Variants in SSH2 observed in about 807,000 individuals in gnomAD.
SSH2 encodes slingshot protein phosphatase 2.
A neutral mutation model predicts 135.2 loss-of-function variants in SSH2; 37 were observed. That is an observed-to-expected ratio of 0.27 (90% confidence interval 0.21 to 0.36). The LOEUF (loss-of-function observed/expected upper bound fraction) is 0.36, where lower values mean the gene tolerates loss of function less well. Among genes scored for constraint, SSH2 ranks in the 10% least tolerant of loss-of-function variants. The pLI, the probability that SSH2 is intolerant of heterozygous loss-of-function variation, is 1.00. For synonymous variants in SSH2, 628 were observed against 646.2 expected (o/e 0.97, Z 0.43); for missense variants, 1,408 against 1,765.3 (o/e 0.80, Z 3.63).
intron 1 of SSH2, among the ~76,000 whole-genome samples, chr17:29,855,478 C>T (rs1351529985): frequency 1.3e-5 from 2 of 152,166 alleles, no homozygotes; most frequent in Non-Finnish European, 2.9e-5. Flanking sequence ...GCACTCCCGC[C>T]TGCACAATAA....
intron 14 of SSH2, chr17:29,645,605 A>G (rs771393831): frequency 2.0e-5 from 3 of 152,168 alleles, no homozygotes; most frequent in Non-Finnish European, 4.4e-5. Context: ...ACACTGCCCA[A>G]CATCTGTCAT....
At chr17:29,783,322 A>AT in intron 3 of SSH2, among the ~76,000 whole-genome samples, 1 of 146,562 alleles carries the variant, frequency 6.8e-6, no homozygotes, top group Non-Finnish European at 1.5e-5. Flanking sequence ...CATATATTAT[A>AT]TATATATATA....
In SSH2 at chr17:29,631,263, G is replaced by A. The variant is rs1266783708; in HGVS notation, c.3931C>T (p.Pro1311Ser). Residue 1311 changes from proline (P) to serine (S), a missense_variant, in exon 16 of 16, where the codon CCT becomes TCT. Pro to Ser is a moderately conservative substitution (Grantham distance 74). Transcript: ENST00000540801. ...AAAGGCTGAAGCAGTTTGAGATGAGGGGATTCACAGGAGGCAGGCTCCCTC... is the reference window on the plus strand; with the variant it reads ...AAAGGCTGAAGCAGTTTGAGATGAGAGGATTCACAGGAGGCAGGCTCCCTC... ...PEREPASCES[P>S]HLKLLQPFLR... is the part of the protein sequence containing the mutation. 1 of 1,614,048 alleles carries A rather than the reference G, an allele frequency of 6.2e-7. No individual in the cohort carries two copies. The highest frequency in any genetic ancestry group is 8.5e-7 in the Non-Finnish European group (1 of 1,180,020).
At chr17:29,695,035 C>T (rs889456671) in intron 5 of SSH2, among the ~76,000 whole-genome samples, 1 of 152,160 alleles carries the variant, frequency 6.6e-6, no homozygotes, top group African/African-American at 2.4e-5. Flanking sequence ...CCTAAGTCCA[C>T]GTCTCCTGAG....
intron 5 of SSH2, among the ~76,000 whole-genome samples, chr17:29,685,852 CTTTT>C (rs765821581): frequency 7.1e-6 from 1 of 139,952 alleles, no homozygotes; most frequent in African/African-American, 2.6e-5. Flanking sequence ...TTTTCTTTTT[CTTTT>C]TTTTTTTTTG....
intron 5 of SSH2, among the ~76,000 whole-genome samples, chr17:29,691,806 G>A (rs2038490960): frequency 6.6e-6 from 1 of 150,916 alleles, no homozygotes; most frequent in Non-Finnish European, 1.5e-5. Context: ...CAATGCTAAA[G>A]CAAAATGTGT....
chr17:29,721,371 G>A (rs1222279787), intron 3 of SSH2, among the ~76,000 whole-genome samples: 1 of 152,142 alleles, frequency 6.6e-6, no homozygotes, highest in Non-Finnish European at 1.5e-5. Flanking sequence ...TTAGGTTTTG[G>A]TCGAGCTAGG....
chr17:29,676,177 T>G (rs1217448256), intron 8 of SSH2: 1 of 152,150 alleles, frequency 6.6e-6, no homozygotes, highest in African/African-American at 2.4e-5. Flanking sequence ...CCAGGCGCAG[T>G]GGCTACGCCT....
At chr17:29,673,484 C>T (rs968357835) in intron 8 of SSH2, among the ~76,000 whole-genome samples, 7 of 151,670 alleles carry the variant, frequency 4.6e-5, no homozygotes, top group Non-Finnish European at 1.0e-4. Context: ...GAGGGAGAAT[C>T]GCTTGAACCT....
intron 11 of SSH2, among the ~76,000 whole-genome samples, chr17:29,663,922 TG>T (rs1222700126): frequency 6.6e-6 from 1 of 152,152 alleles, no homozygotes; most frequent in African/African-American, 2.4e-5. Context: ...ATGTTGACAA[TG>T]GGGGAAACTA....
chr17:29,736,311 C>T (rs2040362369), intron 3 of SSH2, among the ~76,000 whole-genome samples: 1 of 152,110 alleles, frequency 6.6e-6, no homozygotes, highest in African/African-American at 2.4e-5. Flanking sequence ...TCAACAGCTA[C>T]CCAGAGCATG....
chr17:29,651,792 C>T (rs2036586819), intron 12 of SSH2, among the ~76,000 whole-genome samples: 1 of 152,178 alleles, frequency 6.6e-6, no homozygotes, highest in Non-Finnish European at 1.5e-5. Context: ...CGAATTGAAT[C>T]TGTTTTAACT....
intron 1 of SSH2, chr17:29,925,646 C>T: frequency 2.5e-6 from 1 of 392,210 alleles, no homozygotes; most frequent in Admixed American, 4.4e-5. Flanking sequence ...GAACTTGAGG[C>T]TGCAGTGAGC....
intron 1 of SSH2, among the ~76,000 whole-genome samples, chr17:29,876,575 T>C (rs2151426882): frequency 6.6e-6 from 1 of 152,154 alleles, no homozygotes; most frequent in South Asian, 2.1e-4. Context: ...TGTCCATTTT[T>C]GCTTAGGTTG....
At chr17:29,849,012 G>C in intron 1 of SSH2, 83 bp from the exon 2 acceptor site, 1 of 855,340 alleles carries the variant, frequency 1.2e-6, no homozygotes, top group Non-Finnish European at 1.9e-6. Flanking sequence ...AAATCACTGA[G>C]TCAGTGGTGT....
intron 1 of SSH2, among the ~76,000 whole-genome samples, chr17:29,923,837 C>T (rs1301905793): frequency 1.3e-5 from 2 of 151,028 alleles, no homozygotes; most frequent in Non-Finnish European, 3.0e-5. Context: ...ACCCAGGAGG[C>T]GGAGGTTGCA....
At chr17:29,705,250 C>T (rs1477426802) in intron 3 of SSH2, among the ~76,000 whole-genome samples, 1 of 152,144 alleles carries the variant, frequency 6.6e-6, no homozygotes, top group Admixed American at 6.6e-5. Flanking sequence ...CACCAGCATT[C>T]CTTACTTGGA....
intron 9 of SSH2, among the ~76,000 whole-genome samples, chr17:29,671,207 C>T (rs1050181121): frequency 1.3e-5 from 2 of 151,882 alleles, no homozygotes; most frequent in Admixed American, 1.3e-4. Flanking sequence ...GCAGGCTGGG[C>T]GTAGTGGCTC....
chr17:29,632,961 G>T, intron 15 of SSH2, 30 bp from the exon 16 acceptor site: 1 of 1,555,284 alleles, frequency 6.4e-7, no homozygotes, highest in South Asian at 1.2e-5. Context: ...AGAAGATTAT[G>T]GCAAACTGTA....
Sources: gnomAD v4.1 joint callset for allele counts (sites outside exome capture counted in the v4.1 genomes callset) on GRCh38, gnomAD v4.1.1 for gene constraint, MANE v1.5 for transcripts, NCBI Gene and HGNC (gene_info 2026-07-23, HGNC 2026-07-21) for gene names.